The following CWC27 variants were observed in gnomAD, a reference collection of about 807,000 sequenced individuals.
CWC27 encodes CWC27 spliceosome associated cyclophilin, also known as spliceosome-associated protein CWC27 homolog.
A neutral mutation model predicts 63.6 loss-of-function variants in CWC27; 47 were observed. That is an observed-to-expected ratio of 0.74 (90% CI 0.58 to 0.94). CWC27 has a LOEUF of 0.94. CWC27 is among the 40% of genes least tolerant of loss of function. The pLI is 0.00. For synonymous variants in CWC27, 175 were observed against 179.8 expected, an observed-to-expected ratio of 0.97 and a Z score of 0.22; for missense variants, 495 against 554.3, an observed-to-expected ratio of 0.89 and a Z score of 1.07.
At chr5:64,819,660 T>C (rs939225774) in intron 10 of CWC27, among the ~76,000 whole-genome samples, 2 of 152,182 alleles carry the variant, frequency 1.3e-5, no homozygotes, top group Non-Finnish European at 2.9e-5. Flanking sequence ...TCCCCAGCCA[T>C]GTGAAACTGT....
chr5:64,899,949 A>T (rs1285599299), intron 11 of CWC27, among the ~76,000 whole-genome samples: 1 of 152,194 alleles, frequency 6.6e-6, no homozygotes, highest in Non-Finnish European at 1.5e-5. Context: ...CTTTCAATCA[A>T]CATATGCATT....
At position 64,783,947 on chromosome 5, in the gene CWC27, G is replaced by A; in HGVS notation, c.364G>A (p.Glu122Lys). The A allele has an allele frequency of 6.3e-7, 1 of 1,596,630 alleles. No homozygotes were observed. The highest frequency in any genetic ancestry group is 1.4e-5 in the African/African-American group (1 of 73,932). Reference sequence around the variant, plus strand: ...TTTCTTCACACTGGGTCGAGCAGATGAACTTAACAATAAGCATACCATCTT... The same window carrying A: ...TTTCTTCACACTGGGTCGAGCAGATAAACTTAACAATAAGCATACCATCTT... Reference protein sequence around the residue: ...QFFFTLGRADELNNKHTIFGK... With the variant: ...QFFFTLGRADKLNNKHTIFGK... The change falls in exon 4 of 14, where the codon GAA becomes AAA. Residue 122 changes from glutamate to lysine, a missense_variant. Glu to Lys is a moderately conservative substitution (Grantham distance 56). This residue lies in a region of CWC27 where 463 missense variants were observed against 498.1 expected (regional missense o/e 0.93). Transcript: ENST00000381070.
Position 64,800,281 on chromosome 5 carries a change from T to G in CWC27, c.703T>G (p.Leu235Val). The change falls in exon 8 of 14, where the codon TTG becomes GTG. Residue 235 changes from leucine to valine, a missense_variant. Physicochemically the swap from Leu to Val is conservative, Grantham distance 32 (BLOSUM62 1). Coordinates refer to ENST00000381070, the MANE Select transcript of CWC27 (RefSeq NM_005869.4). ...MKGKSKSSHDLLKDDPHLSSV... is the reference protein window; with the variant it reads ...MKGKSKSSHDVLKDDPHLSSV... The stretch of plus-strand genomic sequence containing the variant: ...GGGCAAAAGCAAAAGTAGTCATGAC[T>G]TGCTTAAGGATGATCCACATCTCAG... The G allele has an allele frequency of 6.2e-7, 1 of 1,612,912 alleles. No homozygotes were observed. Among genetic ancestry groups the G allele is most frequent in the Non-Finnish European group, 8.5e-7 (1 of 1,179,248 alleles).
In CWC27 at chr5:64,932,881, T is replaced by C. The variant is rs111916828; in HGVS notation, c.1043-38822T>C. Among the ~76,000 whole-genome samples, 595 of 152,324 alleles carry C rather than the reference T, an allele frequency of 3.9e-3. 2 individuals are homozygous for C. Among genetic ancestry groups the C allele is most frequent in the African/African-American group, 0.013 (556 of 41,572 alleles). On this transcript the variant is annotated intron_variant, in intron 11 of 13. Transcript: ENST00000381070. Reference sequence around the variant, plus strand: ...CCTAAACTGATCTTTTTCTCTGAAATCTCCCAGAAGTGATTCATCTATACA... The same window carrying C: ...CCTAAACTGATCTTTTTCTCTGAAACCTCCCAGAAGTGATTCATCTATACA...
chr5:64,843,554 A>G (rs988069560), intron 10 of CWC27, among the ~76,000 whole-genome samples: 4 of 152,190 alleles, frequency 2.6e-5, no homozygotes, highest in African/African-American at 9.7e-5. Flanking sequence ...TCCAGAAATC[A>G]GTCCACTTTT....
chr5:64,836,897 C>T (rs780131697), intron 10 of CWC27, among the ~76,000 whole-genome samples: 34 of 151,946 alleles, frequency 2.2e-4, no homozygotes, highest in Non-Finnish European at 4.4e-5. Context: ...AAAGCAAGGA[C>T]GTGGTAATAT....
At chr5:64,998,338 A>G (rs17203614) in intron 13 of CWC27, among the ~76,000 whole-genome samples, 30,415 of 152,064 alleles carry the variant, frequency 0.2, 3,684 homozygotes, top group South Asian at 0.35. Context: ...TTGGCTGAGC[A>G]GTTGCTGAAA....
At chr5:64,997,336 G>A (rs1345676490) in intron 13 of CWC27, among the ~76,000 whole-genome samples, 1 of 151,956 alleles carries the variant, frequency 6.6e-6, no homozygotes, top group African/African-American at 2.4e-5. Flanking sequence ...GTACCTTTTT[G>A]GTAGGTCAGT....
At chr5:64,927,356 C>T (rs1748138288) in intron 11 of CWC27, among the ~76,000 whole-genome samples, 4 of 152,124 alleles carry the variant, frequency 2.6e-5, no homozygotes, top group South Asian at 4.1e-4. Context: ...GATGGCCTCT[C>T]TGTGCCAGGC....
intron 11 of CWC27, among the ~76,000 whole-genome samples, chr5:64,950,636 G>A (rs1235811930): frequency 6.6e-6 from 1 of 151,826 alleles, no homozygotes; most frequent in Non-Finnish European, 1.5e-5. Context: ...CTTTATTGAG[G>A]TATACTTTAC....
chr5:64,951,657 C>A (rs548618169), intron 11 of CWC27, among the ~76,000 whole-genome samples: 1 of 152,098 alleles, frequency 6.6e-6, no homozygotes, highest in East Asian at 1.9e-4. Context: ...TCAGCCCCCA[C>A]TTCCCCTGTG....
chr5:64,949,240 G>A (rs185611137), intron 11 of CWC27, among the ~76,000 whole-genome samples: 267 of 152,060 alleles, frequency 1.8e-3, no homozygotes, highest in Middle Eastern at 3.4e-3. Flanking sequence ...CATTTATCAT[G>A]TGTTAATGGG....
intron 10 of CWC27, among the ~76,000 whole-genome samples, chr5:64,878,470 TAA>T (rs397998002): frequency 0.079 from 2,112 of 26,672 alleles, 9 homozygotes; most frequent in Non-Finnish European, 0.11. Context: ...GGTTACAGAT[TAA>T]AAAAAAAAAA....
At chr5:64,980,354 T>A (rs1353586830) in intron 13 of CWC27, among the ~76,000 whole-genome samples, 2 of 152,202 alleles carry the variant, frequency 1.3e-5, no homozygotes, top group East Asian at 3.8e-4. Context: ...GGGATTCATA[T>A]GACCATATGG....
intron 2 of CWC27, among the ~76,000 whole-genome samples, chr5:64,781,469 T>G (rs1743688071): frequency 6.6e-6 from 1 of 152,230 alleles, no homozygotes; most frequent in South Asian, 2.1e-4. Context: ...TCCATACAGT[T>G]GACATTTTGG....
intron 13 of CWC27, among the ~76,000 whole-genome samples, chr5:64,990,164 T>G (rs145992102): frequency 1.8e-3 from 273 of 152,260 alleles, no homozygotes; most frequent in Admixed American, 3.1e-3. Flanking sequence ...TCATCAACTT[T>G]TGGAGAGTAA....
At chr5:64,994,647 T>C (rs991499683) in intron 13 of CWC27, among the ~76,000 whole-genome samples, 10 of 152,082 alleles carry the variant, frequency 6.6e-5, no homozygotes, top group Non-Finnish European at 1.3e-4. Context: ...TTCCCCTTTC[T>C]AGCTAGTCCC....
intron 11 of CWC27, among the ~76,000 whole-genome samples, chr5:64,896,137 A>G (rs1747368828): frequency 6.6e-6 from 1 of 152,230 alleles, no homozygotes; most frequent in African/African-American, 2.4e-5. Flanking sequence ...GCAGTCGGAA[A>G]AGATATTACC....
chr5:64,844,852 C>T (rs1430970031), intron 10 of CWC27: 2 of 455,852 alleles, frequency 4.4e-6, no homozygotes, highest in African/African-American at 2.0e-5. Context: ...CATGGCTCTA[C>T]CCTGATAGGG....
Sources: gnomAD v4.1 joint callset for allele counts (sites outside exome capture counted in the v4.1 genomes callset) on GRCh38, gnomAD v4.1.1 for gene constraint, gnomAD v4.1.1 regional missense constraint, MANE v1.5 for transcripts, NCBI Gene and HGNC (gene_info 2026-07-23, HGNC 2026-07-21) for gene names.